Variants in APCDD1 observed in about 807,000 individuals in gnomAD.
The protein encoded by APCDD1 is APC down-regulated 1.
Under a neutral mutation model 38.1 loss-of-function variants are expected in APCDD1, and 15 were observed. The observed-to-expected ratio is 0.39, with a 90% CI of 0.26 to 0.61. The LOEUF (loss-of-function observed/expected upper bound fraction) is 0.61, where lower values mean the gene tolerates loss of function less well. Ranked by LOEUF, APCDD1 falls within the 20% of genes least tolerant of loss-of-function variation. The pLI, the probability that APCDD1 is intolerant of heterozygous loss-of-function variation, is 0.49. For missense variants in APCDD1, 647 were observed against 696.2 expected, an observed-to-expected ratio of 0.93 and a Z score of 0.79; for synonymous variants, 261 against 279.7, an observed-to-expected ratio of 0.93 and a Z score of 0.67.
At chr18:10,458,804 A>G (rs1354900532) in intron 1 of APCDD1, among the ~76,000 whole-genome samples, 1 of 152,222 alleles carries the variant, frequency 6.6e-6, no homozygotes, top group East Asian at 1.9e-4. Context: ...ATCGGTTGAA[A>G]GATACACAGC....
rs902461656 is a variant in APCDD1, at chr18:10,471,307, C to T, written c.243-223C>T. On this transcript the variant is annotated intron_variant, in intron 2 of 4. Transcript: ENST00000355285. The surrounding 1 kb of genome is among the most constrained non-coding windows in gnomAD (Gnocchi z 5.5). ...TGGTCATGTGCTCTTGGGCATGTTC[C>T]CTAACCTCAGTTTCCCCACCTGTAA... 2.6e-5 allele frequency among the ~76,000 whole-genome samples: 4 copies of T among 152,172 alleles called. No individual in the cohort carries two copies. The highest frequency in any genetic ancestry group is 4.4e-5 in the Non-Finnish European group (3 of 68,028).
In APCDD1 at chr18:10,488,018, C is replaced by A; in HGVS notation, c.1525C>A (p.His509Asn). ...ACTTGCCTGCCTTGTCCCTCTGCTGCATTGGAACATCCGCAGATAGAAGTT... is the reference window on the plus strand; with the variant it reads ...ACTTGCCTGCCTTGTCCCTCTGCTGAATTGGAACATCCGCAGATAGAAGTT... ...AALACLVPLL[H>N]WNIRR The change falls in exon 5 of 5, where the codon CAT becomes AAT. Residue 509 changes from histidine to asparagine, a missense_variant. By Grantham distance (68) the His-to-Asn change is moderately conservative. Coordinates refer to ENST00000355285, the MANE Select transcript of APCDD1 (RefSeq NM_153000.5). The A allele has an allele frequency of 6.2e-7, 1 of 1,613,822 alleles. No individual in the cohort carries two copies. The highest frequency in any genetic ancestry group is 8.5e-7 in the Non-Finnish European group (1 of 1,180,044).
intron 3 of APCDD1, among the ~76,000 whole-genome samples, chr18:10,484,262 G>A (rs141406129): frequency 1.3e-5 from 2 of 152,206 alleles, no homozygotes; most frequent in Non-Finnish European, 2.9e-5. Flanking sequence ...TTGCTGCTCC[G>A]CAGCTTCCAG....
intron 3 of APCDD1, among the ~76,000 whole-genome samples, chr18:10,481,386 C>G (rs1227018175): frequency 6.6e-6 from 1 of 152,158 alleles, no homozygotes; most frequent in Non-Finnish European, 1.5e-5. Flanking sequence ...ACACATTTTA[C>G]AACATCGATA....
chr18:10,457,178 T>C (rs1407683732), intron 1 of APCDD1, among the ~76,000 whole-genome samples: 1 of 152,144 alleles, frequency 6.6e-6, no homozygotes, highest in East Asian at 1.9e-4. Flanking sequence ...ACAGAGGAAA[T>C]CATTGTTCAA....
Position 10,485,064 on chromosome 18 carries a change from G to A in APCDD1, c.775-398G>A, listed in dbSNP as rs1425838157. On this transcript the variant is annotated intron_variant, in intron 3 of 4. Transcript: ENST00000355285. This position sits in a 1 kb window ranked among gnomAD's most constrained non-coding sequence, Gnocchi z 5.8. ...GGACCATTGTATATTCTCATCAGCT[G>A]TGTTTAAGGGTTCCAATTTCTTCAC... 1.3e-5 allele frequency among the ~76,000 whole-genome samples: 2 copies of A among 152,166 alleles called. No individual in the cohort carries two copies. Among genetic ancestry groups the A allele is most frequent in the African/African-American group, 4.8e-5 (2 of 41,440 alleles).
chr18:10,464,168 A>G lies in APCDD1; in HGVS notation c.59-4301A>G, dbSNP rs571679472. Among the ~76,000 whole-genome samples the G allele has an allele frequency of 2.0e-5, 3 of 152,226 alleles. No individual in the cohort carries two copies. The South Asian group carries it at 6.2e-4, about 32-fold the overall frequency. On this transcript the variant is annotated intron_variant, in intron 1 of 4. Coordinates refer to ENST00000355285, the MANE Select transcript of APCDD1 (RefSeq NM_153000.5). ...TCCTTTCCCGTGTGACTCTAGTCTT[A>G]TGAATGACCCATACAAATGCTAACC...
chr18:10,467,992 C>A lies in APCDD1; in HGVS notation c.59-477C>A, dbSNP rs2030756789. On this transcript the variant is annotated intron_variant, in intron 1 of 4. Transcript: ENST00000355285. This position sits in a 1 kb window ranked among gnomAD's most constrained non-coding sequence, Gnocchi z 4.8. ...GGCTGGTCTCCTTGTTCTTTCCTTT[C>A]CTCACCTAAATCTGTCATTGTGTAA... Among the ~76,000 whole-genome samples, 1 of 152,210 alleles carries A rather than the reference C, an allele frequency of 6.6e-6. No homozygotes were observed. The highest frequency in any genetic ancestry group is 2.1e-4 in the South Asian group (1 of 4,832).
intron 2 of APCDD1, 53 bp downstream of exon 2, chr18:10,468,705 G>A (rs2143529170): frequency 6.3e-7 from 1 of 1,583,368 alleles, no homozygotes; most frequent in African/African-American, 1.3e-5. Flanking sequence ...CACTATGGAA[G>A]ACCCTTCTTA....
At position 10,455,022 on chromosome 18, in the gene APCDD1, C is replaced by T. The variant is rs1352377306; in HGVS notation, c.41C>T (p.Pro14Leu). 6.4e-7 allele frequency: 1 copy of T among 1,565,358 alleles called. No homozygotes were observed. Among genetic ancestry groups the T allele is most frequent in the Admixed American group, 1.8e-5 (1 of 54,472 alleles). Residue 14 changes from proline (P) to leucine (L), a missense_variant, in exon 1 of 5, where the codon CCG becomes CTG. Transcript: ENST00000355285. ...PRRLLLRYLF[P>L]ALLLHGLGEG... ...CGCCTCCTGCTCAGATACCTGTTCC[C>T]GGCCCTCCTGCTTCACGGTGAGTTC...
chr18:10,485,266 G>C lies in APCDD1; in HGVS notation c.775-196G>C, dbSNP rs1000418969. 3.3e-5 allele frequency among the ~76,000 whole-genome samples: 5 copies of C among 152,066 alleles called. No homozygotes were observed. Among genetic ancestry groups the C allele is most frequent in the Non-Finnish European group, 7.4e-5 (5 of 68,006 alleles). ...TGAAATGTTTGCATAGGTCTGTACT[G>C]TCAGGCAAACGTGTGCACTCACACA... On this transcript the variant is annotated intron_variant, in intron 3 of 4. Transcript: ENST00000355285. The surrounding 1 kb of genome is among the most constrained non-coding windows in gnomAD (Gnocchi z 5.8).
chr18:10,468,277 A>T (rs931064327), intron 1 of APCDD1, among the ~76,000 whole-genome samples, 192 bp from the exon 2 acceptor site: 2 of 152,214 alleles, frequency 1.3e-5, no homozygotes, highest in Non-Finnish European at 2.9e-5. Flanking sequence ...CTCACCAGGG[A>T]ATTGATCTAC....
At position 10,458,666 on chromosome 18, in the gene APCDD1, G is replaced by A. The variant is rs143473209; in HGVS notation, c.58+3627G>A. Among the ~76,000 whole-genome samples the A allele has an allele frequency of 1.3e-3, 198 of 152,274 alleles. 1 individual carries two copies. The Middle Eastern group carries it at 0.017, about 13-fold the overall frequency. ...TAAATGAGAAAAGAACTAAATATAG[G>A]TGGGTGATATGTCTGTGTAATTACA... On this transcript the variant is annotated intron_variant, in intron 1 of 4. Transcript: ENST00000355285.
At position 10,485,545 on chromosome 18, in the gene APCDD1, C is replaced by A. The variant is rs760308864; in HGVS notation, c.858C>A (p.Asp286Glu). 6 of 1,614,148 alleles carry A rather than the reference C, an allele frequency of 3.7e-6. No individual in the cohort carries two copies. In the East Asian group the frequency reaches 8.9e-5, roughly 24 times the overall value. ...CTCCCATCCTGCCCCCAAAGGCAGA[C>A]CTGACCATCGGCCTGCACGGGGAGT... Reference protein sequence around the residue: ...HHPPILPPKADLTIGLHGEWV... With the variant: ...HHPPILPPKAELTIGLHGEWV... The change falls in exon 4 of 5, where the codon GAC (aspartate) becomes GAA (glutamate). Residue 286 changes from aspartate to glutamate, a missense_variant. Transcript: ENST00000355285. This position sits in a 1 kb window ranked among gnomAD's most constrained non-coding sequence, Gnocchi z 5.8.
intron 1 of APCDD1, among the ~76,000 whole-genome samples, chr18:10,461,260 C>CCT (rs1220679913): frequency 6.6e-6 from 1 of 152,020 alleles, no homozygotes; most frequent in African/African-American, 2.4e-5. Flanking sequence ...AAAATTATGT[C>CCT]CTAAAGCACA....
intron 1 of APCDD1, among the ~76,000 whole-genome samples, chr18:10,458,949 T>A (rs1383796827): frequency 6.6e-6 from 1 of 152,192 alleles, no homozygotes; most frequent in Non-Finnish European, 1.5e-5. Context: ...TGCTTAGTCC[T>A]CTCCAGTTTG....
chr18:10,471,502 G>C lies in APCDD1; in HGVS notation c.243-28G>C. ...TTTCCCATACCTTCAGGCTTACAAA[G>C]GTCTCTTCTTCCCCTTTTCTTGCCC... On this transcript the variant is annotated intron_variant, in intron 2 of 4. Transcript: ENST00000355285. The surrounding 1 kb of genome is among the most constrained non-coding windows in gnomAD (Gnocchi z 5.5). 3 of 1,613,992 alleles carry C rather than the reference G, an allele frequency of 1.9e-6. No individual in the cohort carries two copies. The highest frequency in any genetic ancestry group is 2.5e-6 in the Non-Finnish European group (3 of 1,179,952).
rs2031219823 is a variant in APCDD1 at position 10,485,106 on chromosome 18, G to GA, written c.775-355dup. ...TTTCTTCACATCCTTGCCAACTTGT[G>GA]ATTTTTTGATAGCATTTTTTGATAG... On this transcript the variant is annotated intron_variant, in intron 3 of 4. Transcript: ENST00000355285. This position sits in a 1 kb window ranked among gnomAD's most constrained non-coding sequence, Gnocchi z 5.8. 6.6e-6 allele frequency among the ~76,000 whole-genome samples: 1 copy of GA among 152,092 alleles called. No homozygotes were observed. The highest frequency in any genetic ancestry group is 2.4e-5 in the African/African-American group (1 of 41,406).
Position 10,489,821 on chromosome 18 carries a change from G to C in APCDD1, c.*1783G>C, listed in dbSNP as rs1346796881. On this transcript the variant is annotated 3_prime_UTR_variant, in exon 5 of 5. Coordinates refer to ENST00000355285, the MANE Select transcript of APCDD1 (RefSeq NM_153000.5). ...TTTAAGTTGTGGTGCAGACTGAGGG[G>C]GCTTATTCAAAATGAAAATACTAAC... 1 of 152,036 alleles carries C rather than the reference G, an allele frequency of 6.6e-6. No homozygotes were observed. The highest frequency in any genetic ancestry group is 2.4e-5 in the African/African-American group (1 of 41,392). 9.4% of individuals were successfully genotyped at this position (152,036 alleles called of 1,614,324 possible).
Sources: gnomAD v4.1 joint callset for allele counts (sites outside exome capture counted in the v4.1 genomes callset) on GRCh38, gnomAD v4.1.1 for gene constraint, Gnocchi (gnomAD v3.1) non-coding constraint, MANE v1.5 for transcripts, NCBI Gene and HGNC (gene_info 2026-07-23, HGNC 2026-07-21) for gene names.